ZNF48: variants seen among roughly 807,000 people sequenced by gnomAD.
ZNF48 encodes zinc finger protein 553.
Under a neutral mutation model 40.0 loss-of-function variants are expected in ZNF48, and 20 were observed. The ratio of observed to expected loss-of-function variants is 0.50; its 90% CI spans 0.35 to 0.73. The LOEUF is 0.73. Ranked by LOEUF, ZNF48 falls within the 30% of genes least tolerant of loss-of-function variation. The pLI, the probability that ZNF48 is intolerant of heterozygous loss-of-function variation, is 0.01. For synonymous variants in ZNF48, 298 were observed against 329.7 expected (o/e 0.90, Z 1.04); for missense variants, 726 against 851.9 (o/e 0.85, Z 1.84).
In ZNF48 at chr16:30,397,776, G is replaced by C; in HGVS notation, c.526G>C (p.Gly176Arg). 6.2e-7 allele frequency: 1 copy of C among 1,613,578 alleles called. No individual in the cohort carries two copies. Among genetic ancestry groups the C allele is most frequent in the Non-Finnish European group, 8.5e-7 (1 of 1,179,960 alleles). Residue 176 changes from glycine (G) to arginine (R), a missense_variant, in exon 3 of 3, where the codon GGT becomes CGT. Physicochemically the swap from Gly to Arg is moderately radical, Grantham distance 125. Around this residue, in one of 5 missense-constraint regions of ZNF48, gnomAD observed 378 missense variants for 449.1 expected, o/e 0.84. Transcript: ENST00000613509. This position sits in a 1 kb window ranked among gnomAD's most constrained non-coding sequence, Gnocchi z 4.1. ...KPYRARPPAQ[G>R]PPKIPRSRIP... ...CTATAGAGCCCGGCCACCAGCCCAG[G>C]GTCCCCCAAAGATTCCTCGGTCCCG... is the stretch of plus-strand genomic sequence containing the variant.
In ZNF48 at chr16:30,384,675, G is replaced by C. The variant is rs571755145; in HGVS notation, c.-16+6265G>C. Among the ~76,000 whole-genome samples, 6 of 151,754 alleles carry C rather than the reference G, an allele frequency of 4.0e-5. No homozygotes were observed. In the South Asian group the frequency reaches 1.3e-3, roughly 32 times the overall value. On this transcript the variant is annotated intron_variant, in intron 1 of 2. Coordinates refer to the ZNF48 transcript ENST00000528032. ...TCGGATCACTTGAGGCCAGGAGTTC[G>C]AGACCAGCCTGGCCAACATGGTGAA...
chr16:30,387,242 CTTTTT>C (rs746448381), intron 1 of ZNF48, among the ~76,000 whole-genome samples: 1 of 132,920 alleles, frequency 7.5e-6, no homozygotes, highest in African/African-American at 2.7e-5. Context: ...CGCGCCCGGC[CTTTTT>C]TTTTTTTTTT....
rs1314023518 is a variant in ZNF48, at chr16:30,398,509, C to T, written c.1259C>T (p.Ser420Leu). Residue 420 changes from serine to leucine, a missense_variant, in exon 3 of 3, where the codon TCG (serine) becomes TTG (leucine). Around this residue, in one of 5 missense-constraint regions of ZNF48, gnomAD observed 378 missense variants for 449.1 expected, o/e 0.84. Transcript: ENST00000613509. This position sits in a 1 kb window ranked among gnomAD's most constrained non-coding sequence, Gnocchi z 6.6. ...PPLTPRSPSH[S>L]GEPFGLPGLE... ...CTGACACCTCGAAGTCCCTCACACTCGGGTGAGCCTTTTGGCCTGCCTGGC... is the reference window on the plus strand; with the variant it reads ...CTGACACCTCGAAGTCCCTCACACTTGGGTGAGCCTTTTGGCCTGCCTGGC... The T allele has an allele frequency of 3.8e-6, 6 of 1,596,314 alleles. No homozygotes were observed. Among genetic ancestry groups the T allele is most frequent in the African/African-American group, 1.3e-5 (1 of 74,536 alleles).
At chr16:30,379,080 G>C in intron 1 of ZNF48, 1 of 1,614,076 alleles carries the variant, frequency 6.2e-7, no homozygotes, top group Non-Finnish European at 8.5e-7. Context: ...GGGCCCGGTA[G>C]CCCTCGTAGA....
rs375603501 is a variant in ZNF48 at position 30,397,283 on chromosome 16, G to C, written c.80-47G>C. On this transcript the variant is annotated intron_variant, in intron 2 of 2. Transcript: ENST00000613509. The surrounding 1 kb of genome is among the most constrained non-coding windows in gnomAD (Gnocchi z 4.1). Reference sequence around the variant, plus strand: ...CTGGAGAGGTTGCTGTCAAAGATAAGTACCGAGCCAAAGGGGAGGGTCTAC... The same window carrying C: ...CTGGAGAGGTTGCTGTCAAAGATAACTACCGAGCCAAAGGGGAGGGTCTAC... 2.2e-5 allele frequency: 34 copies of C among 1,540,902 alleles called. No homozygotes were observed. The South Asian group carries it at 3.3e-4, about 15-fold the overall frequency.
At chr16:30,394,998 G>C, upstream of ZNF48, 3 of 61,324 alleles carry the variant, frequency 4.9e-5, no homozygotes, top group Non-Finnish European at 9.3e-5. Context: ...GACCAGCCCC[G>C]CTTTGTTTCC....
upstream of ZNF48, among the ~76,000 whole-genome samples, chr16:30,391,544 G>A (rs556646746): frequency 1.5e-4 from 22 of 149,768 alleles, no homozygotes; most frequent in Admixed American, 4.7e-4. Context: ...TGCCCAGAAC[G>A]GAATGCAGTG....
Position 30,381,294 on chromosome 16 carries a change from CA to C in ZNF48, c.-16+2885del. ...CCAGCCTCAGGGGGCAGAGACCCCC[CA>C]GCCCTCCCTAAATGCGCCAGCCCCC... On this transcript the variant is annotated intron_variant, in intron 1 of 2. Transcript: ENST00000528032. The surrounding 1 kb of genome is among the most constrained non-coding windows in gnomAD (Gnocchi z 4.3). 1 of 1,611,128 alleles carries C rather than the reference CA, an allele frequency of 6.2e-7. No homozygotes were observed. Among genetic ancestry groups the C allele is most frequent in the South Asian group, 1.1e-5 (1 of 90,992 alleles).
chr16:30,379,287 G>T, intron 1 of ZNF48: 1 of 1,510,058 alleles, frequency 6.6e-7, no homozygotes. Context: ...CTCTAGCGGA[G>T]GGTCCGCGGT....
chr16:30,387,750 G>A (rs1486312251), intron 1 of ZNF48, among the ~76,000 whole-genome samples: 2 of 151,438 alleles, frequency 1.3e-5, no homozygotes, highest in African/African-American at 2.4e-5. Context: ...GTAGAGACAG[G>A]GTTTCACCAT....
chr16:30,381,683 C>A lies in ZNF48; in HGVS notation c.-16+3273C>A. The A allele has an allele frequency of 1.9e-6, 3 of 1,581,902 alleles. No homozygotes were observed. Among genetic ancestry groups the A allele is most frequent in the Non-Finnish European group, 1.7e-6 (2 of 1,164,322 alleles). The stretch of plus-strand genomic sequence containing the variant: ...ACCACCTTTTGAGATAGGGAGCCAG[C>A]ACAAACCAGTCCTGTAACTCTCCAG... On this transcript the variant is annotated intron_variant, in intron 1 of 2. Transcript: ENST00000528032. The surrounding 1 kb of genome is among the most constrained non-coding windows in gnomAD (Gnocchi z 4.3).
At chr16:30,379,877 G>A (rs945522183) in intron 1 of ZNF48, 8 of 961,098 alleles carry the variant, frequency 8.3e-6, no homozygotes, top group Non-Finnish European at 1.3e-5. Flanking sequence ...AAAGTGCTGG[G>A]ATTACAGACG....
At chr16:30,392,110 C>T (rs1047666086), upstream of ZNF48, among the ~76,000 whole-genome samples, 1 of 152,220 alleles carries the variant, frequency 6.6e-6, no homozygotes, top group Non-Finnish European at 1.5e-5. Context: ...GGAAGCTCCG[C>T]CTCCCAGGTT....
chr16:30,388,979 G>A (rs2049921172), intron 1 of ZNF48, among the ~76,000 whole-genome samples: 1 of 151,742 alleles, frequency 6.6e-6, no homozygotes, highest in Admixed American at 6.6e-5. Context: ...AGGCTCTTGT[G>A]GCCGGGTGTG....
chr16:30,381,142 C>G lies in ZNF48; in HGVS notation c.-16+2732C>G. On this transcript the variant is annotated intron_variant, in intron 1 of 2. Transcript: ENST00000528032. The surrounding 1 kb of genome is among the most constrained non-coding windows in gnomAD (Gnocchi z 4.3). ...TCACTCACACCTTCTGCTTGAGGGC[C>G]TGGGTTTCCTGGGGCATCAGAGCAT... The G allele has an allele frequency of 1.2e-6, 2 of 1,613,884 alleles. No homozygotes were observed. Among genetic ancestry groups the G allele is most frequent in the Non-Finnish European group, 1.7e-6 (2 of 1,179,788 alleles).
Position 30,382,691 on chromosome 16 carries a change from G to A in ZNF48, c.-16+4281G>A. ...AAGGCCAAGGCCAAGAACACTTGGG[G>A]TTGCCACCTCCTGGACCCCTTTGCC... is the stretch of plus-strand genomic sequence containing the variant. On this transcript the variant is annotated intron_variant, in intron 1 of 2. Coordinates refer to the ZNF48 transcript ENST00000528032. The surrounding 1 kb of genome is among the most constrained non-coding windows in gnomAD (Gnocchi z 4.8). The A allele has an allele frequency of 6.5e-7, 1 of 1,531,466 alleles. No individual in the cohort carries two copies. The highest frequency in any genetic ancestry group is 8.8e-7 in the Non-Finnish European group (1 of 1,141,058). 94.9% of individuals were successfully genotyped at this position (1,531,466 alleles called of 1,614,324 possible).
chr16:30,379,514 G>T lies in ZNF48; in HGVS notation c.-16+1104G>T. ...CCCTCACCACCTCGCATGATCCCACGACTGCAAAAGGGATGCTTTCCTGGA... is the reference window on the plus strand; with the variant it reads ...CCCTCACCACCTCGCATGATCCCACTACTGCAAAAGGGATGCTTTCCTGGA... On this transcript the variant is annotated intron_variant, in intron 1 of 2. Coordinates refer to the ZNF48 transcript ENST00000528032. The T allele has an allele frequency of 2.5e-6, 4 of 1,613,714 alleles. No individual in the cohort carries two copies. In the South Asian group the frequency reaches 4.4e-5, roughly 18 times the overall value.
At chr16:30,393,541 C>T (rs1446609419), upstream of ZNF48, among the ~76,000 whole-genome samples, 1 of 151,382 alleles carries the variant, frequency 6.6e-6, no homozygotes, top group Admixed American at 6.6e-5. Context: ...CGTGCCACCA[C>T]GCCCTGCTAA....
At chr16:30,380,921 GC>G in intron 1 of ZNF48, 1 of 611,008 alleles carries the variant, frequency 1.6e-6, no homozygotes, top group Non-Finnish European at 2.9e-6. Context: ...CAGGCATCTA[GC>G]CCGGGGGCTG....
Sources: gnomAD v4.1 joint callset for allele counts (sites outside exome capture counted in the v4.1 genomes callset) on GRCh38, gnomAD v4.1.1 for gene constraint, gnomAD v4.1.1 regional missense constraint, Gnocchi (gnomAD v3.1) non-coding constraint, MANE v1.5 for transcripts, NCBI Gene and HGNC (gene_info 2026-07-23, HGNC 2026-07-21) for gene names.